Variants in RAB10 observed in about 807,000 individuals in gnomAD.
RAB10 encodes the protein ras-related protein Rab-10.
Under a neutral mutation model 25.7 loss-of-function variants are expected in RAB10, and 5 were observed. The ratio of observed to expected loss-of-function variants is 0.19; its 90% CI spans 0.10 to 0.41. The LOEUF is 0.41. Among genes scored for constraint, RAB10 ranks in the 10% least tolerant of loss-of-function variants. RAB10 has a pLI of 1.00. For missense variants in RAB10, 103 were observed against 245.8 expected (o/e 0.42, Z 3.89); for synonymous variants, 89 against 86.4 (o/e 1.03, Z -0.16).
chr2:26,046,437 G>A (rs1666004745), intron 1 of RAB10, among the ~76,000 whole-genome samples: 1 of 152,186 alleles, frequency 6.6e-6, no homozygotes, highest in South Asian at 2.1e-4. Context: ...TTTATTTGAA[G>A]ACAGTGCAGT....
chr2:26,090,736 C>T (rs572660743), intron 1 of RAB10, among the ~76,000 whole-genome samples: 1 of 151,964 alleles, frequency 6.6e-6, no homozygotes, highest in South Asian at 2.1e-4. Flanking sequence ...GAGTTCAAGA[C>T]CAGCCTCCCC....
chr2:26,125,251 C>A (rs1389502645), intron 3 of RAB10, among the ~76,000 whole-genome samples: 1 of 152,062 alleles, frequency 6.6e-6, no homozygotes, highest in Non-Finnish European at 1.5e-5. Flanking sequence ...TTCTCCACAT[C>A]CTCGCCAATA....
At chr2:26,095,019 C>A (rs1667182482) in intron 1 of RAB10, among the ~76,000 whole-genome samples, 1 of 152,106 alleles carries the variant, frequency 6.6e-6, no homozygotes, top group Admixed American at 6.5e-5. Flanking sequence ...TGTGGGAATC[C>A]TGTAGGGTCT....
At chr2:26,128,706 C>T (rs1667952091) in intron 5 of RAB10, among the ~76,000 whole-genome samples, 1 of 152,146 alleles carries the variant, frequency 6.6e-6, no homozygotes, top group African/African-American at 2.4e-5. Flanking sequence ...TGTACATATT[C>T]TGTACGTACT....
At chr2:26,050,749 G>A (rs1046531315) in intron 1 of RAB10, among the ~76,000 whole-genome samples, 1 of 151,284 alleles carries the variant, frequency 6.6e-6, no homozygotes, top group Admixed American at 6.6e-5. Context: ...TCAGCCTCCT[G>A]AGTGGTTGGG....
intron 1 of RAB10, among the ~76,000 whole-genome samples, chr2:26,075,224 A>G (rs915733784): frequency 7.9e-5 from 12 of 152,138 alleles, no homozygotes; most frequent in African/African-American, 2.9e-4. Flanking sequence ...TTTTCCTAGT[A>G]CCTTTCTGTC....
intron 1 of RAB10, among the ~76,000 whole-genome samples, chr2:26,084,566 A>T (rs1176098346): frequency 6.6e-6 from 1 of 152,212 alleles, no homozygotes; most frequent in African/African-American, 2.4e-5. Context: ...TACCAAGTAC[A>T]TTATTATTAC....
intron 2 of RAB10, among the ~76,000 whole-genome samples, chr2:26,108,894 T>G (rs1667518286): frequency 6.7e-6 from 1 of 148,486 alleles, no homozygotes; most frequent in Admixed American, 6.7e-5. Context: ...TATTTATTTA[T>G]TTATTTATTT....
chr2:26,058,517 C>T (rs1329391290), intron 1 of RAB10, among the ~76,000 whole-genome samples: 3 of 152,088 alleles, frequency 2.0e-5, no homozygotes, highest in African/African-American at 7.2e-5. Context: ...CCCACCTCAG[C>T]CTCCTAAGTA....
intron 1 of RAB10, among the ~76,000 whole-genome samples, chr2:26,036,526 G>T (rs1665768206): frequency 6.6e-6 from 1 of 151,960 alleles, no homozygotes; most frequent in Admixed American, 6.6e-5. Flanking sequence ...GGGCGTAGTG[G>T]CAGGCACCTG....
chr2:26,034,807 T>C (rs1665727952), intron 1 of RAB10, 72 bp downstream of exon 1: 3 of 1,576,230 alleles, frequency 1.9e-6, no homozygotes, highest in Non-Finnish European at 2.6e-6. Flanking sequence ...GACATCTTGC[T>C]TCCCGTAATA....
intron 5 of RAB10, among the ~76,000 whole-genome samples, chr2:26,129,737 G>C (rs1205860133): frequency 6.6e-6 from 1 of 152,182 alleles, no homozygotes; most frequent in African/African-American, 2.4e-5. Context: ...GAGTCTGCCA[G>C]CTTCCTTGCA....
chr2:26,053,169 T>C (rs549536399), intron 1 of RAB10, among the ~76,000 whole-genome samples: 1 of 152,290 alleles, frequency 6.6e-6, no homozygotes, highest in South Asian at 2.1e-4. Flanking sequence ...TGACTCCACT[T>C]TTTTAAAACT....
chr2:26,044,064 GATCTGTT>G (rs1196539761), intron 1 of RAB10, among the ~76,000 whole-genome samples: 3 of 152,168 alleles, frequency 2.0e-5, no homozygotes, highest in African/African-American at 7.2e-5. Flanking sequence ...AGGCTCTGGA[GATCTGTT>G]GCACAATGGT....
At chr2:26,039,177 G>A (rs1410346039) in intron 1 of RAB10, among the ~76,000 whole-genome samples, 1 of 151,638 alleles carries the variant, frequency 6.6e-6, no homozygotes, top group East Asian at 2.0e-4. Context: ...GTGCCACCAT[G>A]CCCAACTAAT....
intron 3 of RAB10, among the ~76,000 whole-genome samples, chr2:26,114,215 C>T (rs1376278593): frequency 3.3e-5 from 5 of 151,934 alleles, no homozygotes; most frequent in Non-Finnish European, 2.9e-5. Context: ...TTAAAAATTC[C>T]CCCCCGTAGA....
rs948033472 is a variant in RAB10 at position 26,109,843 on chromosome 2, A to G, written c.264A>G (p.Val88=). 6.2e-7 allele frequency: 1 copy of G among 1,610,860 alleles called. No individual in the cohort carries two copies. The highest frequency in any genetic ancestry group is 8.5e-7 in the Non-Finnish European group (1 of 1,178,636). Residue 88 remains valine, a synonymous_variant, in exon 3 of 6, where the codon GTA becomes GTG. Transcript: ENST00000264710. Reference sequence around the variant, plus strand: ...GAGGCGCAATGGGTATCATGCTAGTATATGACATCACCAATGGTAAAAGTT... The same window carrying G: ...GAGGCGCAATGGGTATCATGCTAGTGTATGACATCACCAATGGTAAAAGTT... ...YYRGAMGIML[V]YDITNGKSFE...
At chr2:26,066,033 A>G (rs1666505796) in intron 1 of RAB10, among the ~76,000 whole-genome samples, 1 of 152,238 alleles carries the variant, frequency 6.6e-6, no homozygotes, top group Non-Finnish European at 1.5e-5. Context: ...TTTTTAAACA[A>G]TTCACAACAT....
chr2:26,124,389 C>CTTTTTTTTTTTTTTT lies in RAB10; in HGVS notation c.328-2741_328-2727dup. Among the ~76,000 whole-genome samples the CTTTTTTTTTTTTTTT allele has an allele frequency of 6.7e-3, 132 of 19,678 alleles. 53 individuals are homozygous for CTTTTTTTTTTTTTTT. Among genetic ancestry groups the CTTTTTTTTTTTTTTT allele is most frequent in the East Asian group, 0.039 (16 of 414 alleles). 12.9% of individuals were successfully genotyped at this position (19,678 alleles called of 152,430 possible). A position where few individuals can be genotyped will look rare whatever the true frequency, so the allele number is the denominator to read the frequency against. ...GTTGTTTTTCTTATTGTTGTTGTTGCTTTTTTTTTTTTTTTTTTTTTTTTT... is the reference window on the plus strand; with the variant it reads ...GTTGTTTTTCTTATTGTTGTTGTTGCTTTTTTTTTTTTTTTTTTTTTTTTTTTTTTTTTTTTTTTT... On this transcript the variant is annotated intron_variant, in intron 3 of 5. Coordinates refer to ENST00000264710, the MANE Select transcript of RAB10 (RefSeq NM_016131.5).
Sources: allele counts gnomAD v4.1 joint callset (sites outside exome capture counted in the v4.1 genomes callset), GRCh38; gene constraint gnomAD v4.1.1; transcripts MANE v1.5; gene names NCBI Gene and HGNC (gene_info 2026-07-23, HGNC 2026-07-21).